Variants in ENPP1 observed in about 807,000 individuals in gnomAD.
ENPP1 encodes ectonucleotide pyrophosphatase/phosphodiesterase family member 1.
In ENPP1, 73 loss-of-function variants were observed where a neutral mutation model predicts 122.8. The ratio of observed to expected loss-of-function variants is 0.59; its 90% CI spans 0.49 to 0.72. ENPP1 has a LOEUF of 0.72. ENPP1 is among the 30% of genes least tolerant of loss of function. The pLI is 0.00. For missense variants in ENPP1, 978 were observed against 1,128.1 expected (o/e 0.87, Z 1.91); for synonymous variants, 367 against 391.6 (o/e 0.94, Z 0.74).
At chr6:131,844,455 G>C (rs1382889972) in intron 1 of ENPP1, among the ~76,000 whole-genome samples, 1 of 152,118 alleles carries the variant, frequency 6.6e-6, no homozygotes, top group African/African-American at 2.4e-5. Context: ...TAGCCCATAG[G>C]CATCTTTTAG....
At chr6:131,830,676 T>G (rs1781599679) in intron 1 of ENPP1, among the ~76,000 whole-genome samples, 1 of 152,214 alleles carries the variant, frequency 6.6e-6, no homozygotes, top group African/African-American at 2.4e-5. Flanking sequence ...ATGTATATTT[T>G]AAAAGATTTA....
At chr6:131,841,913 T>G (rs1014596199) in intron 1 of ENPP1, among the ~76,000 whole-genome samples, 3 of 152,196 alleles carry the variant, frequency 2.0e-5, no homozygotes, top group African/African-American at 7.2e-5. Context: ...GGGATCGTTC[T>G]GGGATTATTA....
In ENPP1 at chr6:131,890,882, C is replaced by T. The variant is rs573566191; in HGVS notation, c.*371C>T. The T allele has an allele frequency of 7.4e-5, 18 of 244,502 alleles. No individual in the cohort carries two copies. The highest frequency in any genetic ancestry group is 5.6e-4 in the Admixed American group (11 of 19,650). The allele number at this position is 244,502 out of a possible 1,614,324, so 15.1% of individuals were successfully genotyped here. A position where few individuals can be genotyped will look rare whatever the true frequency, so the allele number is the denominator to read the frequency against. ...ATAAACCTTGATGGCATTGGGCAAA[C>T]AGTAGACTTATAGTAGGGTTGGGGT... On this transcript the variant is annotated 3_prime_UTR_variant, in exon 25 of 25. Coordinates refer to ENST00000647893, the MANE Select transcript of ENPP1 (RefSeq NM_006208.3).
intron 1 of ENPP1, among the ~76,000 whole-genome samples, chr6:131,846,378 C>A (rs1166051251): frequency 6.6e-6 from 1 of 152,166 alleles, no homozygotes; most frequent in African/African-American, 2.4e-5. Flanking sequence ...CTTCCATGTG[C>A]CTGCCTTCGT....
chr6:131,876,901 T>A, intron 17 of ENPP1, 91 bp from the exon 18 acceptor site: 2 of 1,169,782 alleles, frequency 1.7e-6, no homozygotes, highest in Non-Finnish European at 2.6e-6. Flanking sequence ...ACTCATGTAT[T>A]TGGTTTTAAA....
chr6:131,840,131 C>A (rs977633133), intron 1 of ENPP1, among the ~76,000 whole-genome samples: 1 of 152,122 alleles, frequency 6.6e-6, no homozygotes, highest in African/African-American at 2.4e-5. Context: ...ATTAAAAGTG[C>A]AGATAGATAT....
intron 14 of ENPP1, 43 bp downstream of exon 14, chr6:131,872,144 G>C: frequency 7.6e-7 from 1 of 1,318,014 alleles, no homozygotes; most frequent in Non-Finnish European, 1.1e-6. Flanking sequence ...TTTTACTTTT[G>C]TATAATATAT....
intron 1 of ENPP1, among the ~76,000 whole-genome samples, chr6:131,834,645 C>T (rs1781651788): frequency 6.6e-6 from 1 of 151,784 alleles, no homozygotes; most frequent in South Asian, 2.1e-4. Flanking sequence ...GTTCTCCTGC[C>T]TTAGGCCCCT....
chr6:131,812,837 G>A (rs1182662187), intron 1 of ENPP1, among the ~76,000 whole-genome samples: 1 of 151,668 alleles, frequency 6.6e-6, no homozygotes, highest in East Asian at 1.9e-4. Context: ...TATTTATTCA[G>A]CATATTCAGA....
chr6:131,818,825 A>G (rs1286376252), intron 1 of ENPP1, among the ~76,000 whole-genome samples: 1 of 152,180 alleles, frequency 6.6e-6, no homozygotes, highest in Non-Finnish European at 1.5e-5. Flanking sequence ...TGCAAGCTGA[A>G]CTAATTTTTT....
At position 131,811,430 on chromosome 6, in the gene ENPP1, CTATA is replaced by C. The variant is rs377274828; in HGVS notation, c.240+3161_240+3164del. Reference sequence around the variant, plus strand: ...TCTATATCTATATCTATATCTATATCTATATATATGTAGAGAGTCCGTTTGGCTC... The same window carrying C: ...TCTATATCTATATCTATATCTATATCTATATGTAGAGAGTCCGTTTGGCTC... On this transcript the variant is annotated intron_variant, in intron 1 of 24. Transcript: ENST00000647893. Among the ~76,000 whole-genome samples, 531 of 141,088 alleles carry C rather than the reference CTATA, an allele frequency of 3.8e-3. 4 individuals carry two copies. The highest frequency in any genetic ancestry group is 0.014 in the African/African-American group (503 of 35,600). 92.6% of individuals were successfully genotyped at this position (141,088 alleles called of 152,430 possible).
At chr6:131,827,969 C>A in intron 1 of ENPP1, 1 of 797,352 alleles carries the variant, frequency 1.3e-6, no homozygotes, top group South Asian at 1.3e-5. Flanking sequence ...ACAAAATGCT[C>A]AAGCTTGGAG....
intron 1 of ENPP1, among the ~76,000 whole-genome samples, chr6:131,812,788 A>G (rs1418660813): frequency 2.0e-5 from 3 of 152,188 alleles, no homozygotes; most frequent in Admixed American, 6.5e-5. Context: ...TTGATTCCAT[A>G]TGAAAAGGTG....
chr6:131,831,416 AC>A (rs749965970), intron 1 of ENPP1, among the ~76,000 whole-genome samples: 149 of 152,178 alleles, frequency 9.8e-4, no homozygotes, highest in Non-Finnish European at 1.1e-3. Flanking sequence ...TAAAGTCCAT[AC>A]TTTATTCAGA....
At position 131,882,345 on chromosome 6, in the gene ENPP1, G is replaced by A. The variant is rs748416608; in HGVS notation, c.2101G>A (p.Asp701Asn). 1.9e-6 allele frequency: 3 copies of A among 1,598,824 alleles called. No individual in the cohort carries two copies. Among genetic ancestry groups the A allele is most frequent in the Middle Eastern group, 1.7e-4 (1 of 5,980 alleles). ...AGTTCTTCTCATTTTCGTTCTTCAGGACAGTTTCTCTACGGAAGACTTCTC... is the reference window on the plus strand; with the variant it reads ...AGTTCTTCTCATTTTCGTTCTTCAGAACAGTTTCTCTACGGAAGACTTCTC... ...LWTSYTVDRNDSFSTEDFSNC... is the reference protein window; with the variant it reads ...LWTSYTVDRNNSFSTEDFSNC... The change falls in exon 21 of 25, where the codon GAC (aspartate) becomes AAC (asparagine). Residue 701 changes from aspartate (D) to asparagine (N), a missense_variant and splice_region_variant. Physicochemically the swap from Asp to Asn is conservative, Grantham distance 23 (BLOSUM62 1). Coordinates refer to ENST00000647893, the MANE Select transcript of ENPP1 (RefSeq NM_006208.3).
intron 1 of ENPP1, among the ~76,000 whole-genome samples, chr6:131,839,888 G>T (rs893402996): frequency 6.6e-6 from 1 of 151,946 alleles, no homozygotes; most frequent in African/African-American, 2.4e-5. Context: ...TATATAAATG[G>T]TCTATATTTC....
In ENPP1 at chr6:131,882,401, T is replaced by G; in HGVS notation, c.2157T>G (p.Pro719=). The G allele has an allele frequency of 6.2e-7, 1 of 1,604,596 alleles. No homozygotes were observed. Among genetic ancestry groups the G allele is most frequent in the South Asian group, 1.1e-5 (1 of 90,880 alleles). ...GTCTGTACCAGGACTTTAGAATTCC[T>G]CTTAGTCCTGTCCATAAATGTTCAT... ...SNCLYQDFRI[P]LSPVHKCSFY... The change falls in exon 21 of 25, where the codon CCT becomes CCG. Residue 719 remains proline, a synonymous_variant. Coordinates refer to ENST00000647893, the MANE Select transcript of ENPP1 (RefSeq NM_006208.3).
intron 1 of ENPP1, among the ~76,000 whole-genome samples, chr6:131,815,659 C>T (rs1562507911): frequency 6.6e-6 from 1 of 151,688 alleles, no homozygotes. Flanking sequence ...GAACTGGGGG[C>T]CATTAACCTT....
intron 18 of ENPP1, chr6:131,877,866 A>AATATATATAT (rs35142604): frequency 1.5e-3 from 79 of 53,006 alleles, no homozygotes; most frequent in African/African-American, 3.4e-3. Context: ...AAAAAAAAAA[A>AATATATATAT]ATATATATAT....
Sources: gnomAD v4.1 joint callset for allele counts (sites outside exome capture counted in the v4.1 genomes callset) on GRCh38, gnomAD v4.1.1 for gene constraint, MANE v1.5 for transcripts, NCBI Gene and HGNC (gene_info 2026-07-23, HGNC 2026-07-21) for gene names.